Variants in ELAPOR1 observed in about 807,000 individuals in gnomAD.
The protein encoded by ELAPOR1 is endosome-lysosome associated apoptosis and autophagy regulator 1.
A neutral mutation model predicts 119.7 loss-of-function variants in ELAPOR1; 77 were observed. The observed-to-expected ratio is 0.64, with a 90% CI of 0.54 to 0.78. The LOEUF is 0.78. Among genes scored for constraint, ELAPOR1 ranks in the 30% least tolerant of loss-of-function variants. The pLI, the probability that ELAPOR1 is intolerant of heterozygous loss-of-function variation, is 0.00. For missense variants in ELAPOR1, 1,115 were observed against 1,270.4 expected, an observed-to-expected ratio of 0.88 and a Z score of 1.86; for synonymous variants, 481 against 487.2, an observed-to-expected ratio of 0.99 and a Z score of 0.17.
At chr1:109,188,438 CA>C in intron 9 of ELAPOR1, 84 bp downstream of exon 9, 1 of 1,432,590 alleles carries the variant, frequency 7.0e-7, no homozygotes. Flanking sequence ...CAGCTGAATG[CA>C]GACTCTGCCC....
At chr1:109,179,451 A>G (rs532938721) in intron 7 of ELAPOR1, among the ~76,000 whole-genome samples, 1 of 151,896 alleles carries the variant, frequency 6.6e-6, no homozygotes, top group African/African-American at 2.4e-5. Flanking sequence ...AAAGGCCAGA[A>G]AGCTCAGGAA....
intron 1 of ELAPOR1, among the ~76,000 whole-genome samples, chr1:109,124,452 T>C (rs1232339354): frequency 6.6e-6 from 1 of 152,210 alleles, no homozygotes; most frequent in Non-Finnish European, 1.5e-5. Flanking sequence ...ATATAATTTA[T>C]ATAACTAACC....
chr1:109,167,310 C>T (rs1386320596), intron 3 of ELAPOR1, among the ~76,000 whole-genome samples: 2 of 152,062 alleles, frequency 1.3e-5, no homozygotes, highest in Admixed American at 1.3e-4. Flanking sequence ...TTCCACCGCA[C>T]GGACTATTTC....
chr1:109,149,076 G>A (rs574463345), intron 1 of ELAPOR1, among the ~76,000 whole-genome samples: 78 of 152,218 alleles, frequency 5.1e-4, no homozygotes, highest in Non-Finnish European at 9.3e-4. Flanking sequence ...TGCTAGGGGA[G>A]AAAAAGTGGA....
rs1207321622 is a variant in ELAPOR1 at position 109,200,902 on chromosome 1, T to A, written c.2973+2T>A. ...AAGATCAAATCATTTACCTCCAAGG[T>A]AGGGGTCCTGGCCAGTGCACTGAGG... On this transcript the variant is annotated splice_donor_variant, in intron 21 of 21. Transcript: ENST00000369939. LOFTEE classifies it high-confidence loss of function. 6.2e-7 allele frequency: 1 copy of A among 1,613,088 alleles called. No individual in the cohort carries two copies. The highest frequency in any genetic ancestry group is 8.5e-7 in the Non-Finnish European group (1 of 1,179,452).
At chr1:109,190,720 A>G (rs1653380050) in intron 11 of ELAPOR1, among the ~76,000 whole-genome samples, 1 of 152,096 alleles carries the variant, frequency 6.6e-6, no homozygotes, top group African/African-American at 2.4e-5. Flanking sequence ...GTCATAGTAA[A>G]GTGTTGCCTC....
intron 1 of ELAPOR1, among the ~76,000 whole-genome samples, chr1:109,117,828 A>G (rs960104475): frequency 9.2e-5 from 14 of 152,106 alleles, no homozygotes; most frequent in Non-Finnish European, 1.9e-4. Context: ...ATAGGAAAAG[A>G]AAGAAGAAAA....
intron 1 of ELAPOR1, among the ~76,000 whole-genome samples, chr1:109,134,356 C>T (rs1649329591): frequency 6.6e-6 from 1 of 152,112 alleles, no homozygotes; most frequent in African/African-American, 2.4e-5. Context: ...ATAGGTTCTC[C>T]AGGTGGAGCC....
chr1:109,139,327 C>T (rs1191912179), intron 1 of ELAPOR1, among the ~76,000 whole-genome samples: 1 of 151,722 alleles, frequency 6.6e-6, no homozygotes, highest in African/African-American at 2.4e-5. Context: ...GGTGACACAG[C>T]GAGACCTCAT....
At chr1:109,177,515 C>T (rs1652418904) in intron 7 of ELAPOR1, among the ~76,000 whole-genome samples, 8 of 134,992 alleles carry the variant, frequency 5.9e-5, no homozygotes, top group South Asian at 2.5e-4. Context: ...CGGGAAGAGG[C>T]GCTCCTCACT....
intron 1 of ELAPOR1, among the ~76,000 whole-genome samples, chr1:109,139,164 A>C (rs1371361101): frequency 1.3e-5 from 2 of 151,980 alleles, no homozygotes; most frequent in Non-Finnish European, 2.9e-5. Flanking sequence ...CAGCCTGGGT[A>C]ACATGGCAAT....
intron 1 of ELAPOR1, among the ~76,000 whole-genome samples, chr1:109,122,104 C>T (rs1330017724): frequency 6.8e-6 from 1 of 146,968 alleles, no homozygotes; most frequent in Non-Finnish European, 1.5e-5. Flanking sequence ...GAGTCTTGCT[C>T]TGTCACTCAG....
chr1:109,194,632 G>A (rs1203061470), intron 15 of ELAPOR1, 38 bp downstream of exon 15: 7 of 1,590,986 alleles, frequency 4.4e-6, no homozygotes, highest in Non-Finnish European at 6.0e-6. Context: ...AATTGAATGG[G>A]GGAGGCCCAT....
In ELAPOR1 at chr1:109,155,963, C is replaced by G. The variant is rs1305848510; in HGVS notation, c.154-5931C>G. ...TTCAAGACCAGTCTTAGCCACATAGCAAGACCCCATCTCTGCAAAAAAATT... is the reference window on the plus strand; with the variant it reads ...TTCAAGACCAGTCTTAGCCACATAGGAAGACCCCATCTCTGCAAAAAAATT... On this transcript the variant is annotated intron_variant, in intron 1 of 21. Coordinates refer to ENST00000369939, the MANE Select transcript of ELAPOR1 (RefSeq NM_020775.5). Among the ~76,000 whole-genome samples, 7 of 152,208 alleles carry G rather than the reference C, an allele frequency of 4.6e-5. No individual in the cohort carries two copies. The South Asian group carries it at 1.2e-3, about 27-fold the overall frequency.
chr1:109,148,119 G>T (rs1230477022), intron 1 of ELAPOR1, among the ~76,000 whole-genome samples: 1 of 151,550 alleles, frequency 6.6e-6, no homozygotes, highest in Admixed American at 6.6e-5. Context: ...TTACAGGCGT[G>T]AGCCACCGCA....
intron 1 of ELAPOR1, among the ~76,000 whole-genome samples, chr1:109,116,421 C>T (rs1320187793): frequency 5.9e-5 from 9 of 152,128 alleles, no homozygotes; most frequent in African/African-American, 1.9e-4. Flanking sequence ...AGCTTCTTTC[C>T]CATTAGATCC....
chr1:109,161,409 C>CAAAAAAAAAAAAAA (rs59573644), intron 1 of ELAPOR1, among the ~76,000 whole-genome samples: 1 of 56,332 alleles, frequency 1.8e-5, no homozygotes, highest in African/African-American at 6.3e-5. Flanking sequence ...GACTCCGTCT[C>CAAAAAAAAAAAAAA]AAAAAAAAAA....
intron 1 of ELAPOR1, among the ~76,000 whole-genome samples, chr1:109,126,082 C>T (rs1235845565): frequency 4.6e-5 from 7 of 152,256 alleles, no homozygotes; most frequent in Non-Finnish European, 7.4e-5. Flanking sequence ...CCATTCCAAT[C>T]GACTTGCAGT....
intron 1 of ELAPOR1, among the ~76,000 whole-genome samples, chr1:109,152,066 GT>G (rs772382435): frequency 2.0e-5 from 3 of 152,056 alleles, no homozygotes; most frequent in Non-Finnish European, 2.9e-5. Flanking sequence ...GTAGAGCAGG[GT>G]TTTGCCATAT....
Sources: gnomAD v4.1 joint callset for allele counts (sites outside exome capture counted in the v4.1 genomes callset) on GRCh38, gnomAD v4.1.1 for gene constraint, MANE v1.5 for transcripts, NCBI Gene and HGNC (gene_info 2026-07-23, HGNC 2026-07-21) for gene names.